The following ANGPT4 variants were observed in gnomAD, a reference collection of about 807,000 sequenced individuals.
The protein encoded by ANGPT4 is angiopoietin 4.
In ANGPT4, 50 loss-of-function variants were observed where a neutral mutation model predicts 53.0. The ratio of observed to expected loss-of-function variants is 0.94; its 90% CI spans 0.75 to 1.20. The LOEUF (loss-of-function observed/expected upper bound fraction) is 1.20. ANGPT4 is among the 50% of genes most tolerant of loss of function. The probability of loss-of-function intolerance (pLI) is 0.00; values close to 1 mark genes in which losing one functional copy is unlikely to be tolerated. For synonymous variants in ANGPT4, 251 were observed against 259.7 expected (o/e 0.97, Z 0.32); for missense variants, 648 against 637.1 (o/e 1.02, Z -0.18).
intron 1 of ANGPT4, among the ~76,000 whole-genome samples, chr20:895,270 C>T (rs4816055): frequency 0.13 from 20,536 of 152,188 alleles, 1,484 homozygotes; most frequent in Middle Eastern, 0.26. Flanking sequence ...CTCAGGCTGC[C>T]GAATTCTCAG....
rs572103965 is a variant in ANGPT4, at chr20:914,344, G to T, written c.309+1562C>A. Among the ~76,000 whole-genome samples, 1 of 152,162 alleles carries T rather than the reference G, an allele frequency of 6.6e-6. No homozygotes were observed. Among genetic ancestry groups the T allele is most frequent in the Non-Finnish European group, 1.5e-5 (1 of 68,026 alleles). On this transcript the variant is annotated intron_variant, in intron 1 of 8. Transcript: ENST00000381922. This position sits in a 1 kb window ranked among gnomAD's most constrained non-coding sequence, Gnocchi z 5.0. Reference sequence around the variant, plus strand: ...ATTTCGTACGGGGAGGACAAGGAGGGCCTCTGGGGAGATGGCGCTGGAGAG... The same window carrying T: ...ATTTCGTACGGGGAGGACAAGGAGGTCCTCTGGGGAGATGGCGCTGGAGAG...
chr20:889,442 C>T (rs1280256865), intron 2 of ANGPT4, among the ~76,000 whole-genome samples: 1 of 152,200 alleles, frequency 6.6e-6, no homozygotes. Context: ...CATGTGACTG[C>T]ACCCAATACT....
intron 1 of ANGPT4, among the ~76,000 whole-genome samples, chr20:900,009 G>A (rs1370854869): frequency 6.6e-6 from 1 of 152,072 alleles, no homozygotes; most frequent in East Asian, 1.9e-4. Flanking sequence ...CCCACACAAG[G>A]CAAATGGTTC....
chr20:896,618 T>C (rs1013295103), intron 1 of ANGPT4, among the ~76,000 whole-genome samples: 1 of 152,218 alleles, frequency 6.6e-6, no homozygotes, highest in Admixed American at 6.5e-5. Flanking sequence ...AAATGCATCT[T>C]GTCAACTGCA....
Position 871,290 on chromosome 20 carries a change from A to C in ANGPT4, c.*1670T>G, listed in dbSNP as rs1476220519. 6.6e-6 allele frequency: 1 copy of C among 152,346 alleles called. No homozygotes were observed. The highest frequency in any genetic ancestry group is 2.4e-5 in the African/African-American group (1 of 41,444). The allele number at this position is 152,346 out of a possible 1,614,324, so 9.4% of individuals were successfully genotyped here. A position where few individuals can be genotyped will look rare whatever the true frequency, so the allele number is the denominator to read the frequency against. The stretch of plus-strand genomic sequence containing the variant: ...TGGGTTTACTCAGGGATCGGCTGAG[A>C]GTGGGACTCAGGGCTGGGGCGAGCC... On this transcript the variant is annotated 3_prime_UTR_variant, in exon 9 of 9. Transcript: ENST00000381922.
intron 8 of ANGPT4, 23 bp downstream of exon 8, chr20:874,261 G>A (rs776772688): frequency 3.1e-6 from 5 of 1,613,212 alleles, no homozygotes; most frequent in Middle Eastern, 3.3e-4. Context: ...GGTGGGCGGA[G>A]CTTCACCCCA....
intron 1 of ANGPT4, among the ~76,000 whole-genome samples, chr20:901,293 A>G (rs1207561064): frequency 6.6e-6 from 1 of 152,192 alleles, no homozygotes; most frequent in Non-Finnish European, 1.5e-5. Flanking sequence ...GAGAACCACA[A>G]AAGAAGTGAA....
rs1981330466 is a variant in ANGPT4, at chr20:879,904, G to A, written c.952-56C>T. The A allele has an allele frequency of 2.9e-5, 38 of 1,327,398 alleles. 1 individual carries two copies. The South Asian group carries it at 3.5e-4, about 12-fold the overall frequency. 82.2% of individuals were successfully genotyped at this position (1,327,398 alleles called of 1,614,324 possible). ...GCCCTTGGAGGTAGCCAGAGGCCAG[G>A]CCTGTGCTAGCCCAAATGTGGCTAA... On this transcript the variant is annotated intron_variant, in intron 5 of 8. Transcript: ENST00000381922.
At chr20:903,980 C>T (rs1169114577) in intron 1 of ANGPT4, among the ~76,000 whole-genome samples, 1 of 152,162 alleles carries the variant, frequency 6.6e-6, no homozygotes, top group East Asian at 1.9e-4. Flanking sequence ...AATAAAGTGC[C>T]AGAGGCTGTA....
chr20:915,601 C>T (rs1982898769), intron 1 of ANGPT4, among the ~76,000 whole-genome samples: 1 of 152,144 alleles, frequency 6.6e-6, no homozygotes, highest in African/African-American at 2.4e-5. Flanking sequence ...CCTACTAGTC[C>T]AGAGGGAGAC....
intron 2 of ANGPT4, among the ~76,000 whole-genome samples, chr20:889,379 A>G (rs1981748476): frequency 6.6e-6 from 1 of 152,258 alleles, no homozygotes; most frequent in African/African-American, 2.4e-5. Flanking sequence ...AGCCGCCTGC[A>G]TACCTAGGCT....
At chr20:913,478 C>A (rs76684085) in intron 1 of ANGPT4, among the ~76,000 whole-genome samples, 532 of 152,334 alleles carry the variant, frequency 3.5e-3, no homozygotes, top group South Asian at 9.3e-3. Context: ...CCCTACGGCA[C>A]TCTACGGTGA....
intron 3 of ANGPT4, among the ~76,000 whole-genome samples, chr20:886,711 T>C (rs1249669514): frequency 6.6e-6 from 1 of 152,206 alleles, no homozygotes; most frequent in Non-Finnish European, 1.5e-5. Context: ...TTGAGTAGCT[T>C]ATGTAAGGTA....
chr20:916,084 C>A lies in ANGPT4; in HGVS notation c.131G>T (p.Ser44Ile), dbSNP rs748015813. ...ETLVVQHGHC[S>I]YTFLLPKSEP... The stretch of plus-strand genomic sequence containing the variant: ...AGACTTGGGCAGCAAGAAGGTGTAG[C>A]TACAGTGGCCGTGCTGGACTACAAG... The change falls in exon 1 of 9, where the codon AGC becomes ATC. Residue 44 changes from serine to isoleucine, a missense_variant. Ser to Ile is a moderately radical substitution (Grantham distance 142). Transcript: ENST00000381922. The A allele has an allele frequency of 5.6e-6, 9 of 1,614,206 alleles. No homozygotes were observed. In the South Asian group the frequency reaches 9.9e-5, roughly 18 times the overall value.
intron 1 of ANGPT4, among the ~76,000 whole-genome samples, chr20:900,881 T>C (rs1182343639): frequency 1.3e-5 from 2 of 151,680 alleles, no homozygotes; most frequent in Admixed American, 1.3e-4. Context: ...ATACCTGTTT[T>C]TCTCCTTCTC....
chr20:896,134 T>C (rs116336078), intron 1 of ANGPT4, among the ~76,000 whole-genome samples: 1 of 152,162 alleles, frequency 6.6e-6, no homozygotes, highest in African/African-American at 2.4e-5. Flanking sequence ...ATAGATCTCC[T>C]CCAGTGAACC....
At chr20:896,250 A>G (rs998481104) in intron 1 of ANGPT4, among the ~76,000 whole-genome samples, 7 of 152,256 alleles carry the variant, frequency 4.6e-5, no homozygotes, top group African/African-American at 1.7e-4. Flanking sequence ...AGAAATGAGC[A>G]AAATTCGTAA....
chr20:908,493 C>T lies in ANGPT4; in HGVS notation c.309+7413G>A, dbSNP rs1982568389. Among the ~76,000 whole-genome samples the T allele has an allele frequency of 6.6e-6, 1 of 152,120 alleles. No homozygotes were observed. Among genetic ancestry groups the T allele is most frequent in the Non-Finnish European group, 1.5e-5 (1 of 68,000 alleles). On this transcript the variant is annotated intron_variant, in intron 1 of 8. Coordinates refer to ENST00000381922, the MANE Select transcript of ANGPT4 (RefSeq NM_015985.4). This position sits in a 1 kb window ranked among gnomAD's most constrained non-coding sequence, Gnocchi z 4.9. ...CCTCCCTCCCTCAAGGTCAGGCACC[C>T]ATTATCCACCCCTAGCATCTCTCGG...
chr20:903,001 T>G (rs2144151), intron 1 of ANGPT4, among the ~76,000 whole-genome samples: 59,678 of 152,064 alleles, frequency 0.39, 15,180 homozygotes, highest in African/African-American at 0.73. Context: ...TTCCTCCTCA[T>G]GTCTACTGAT....
Sources: allele counts gnomAD v4.1 joint callset (sites outside exome capture counted in the v4.1 genomes callset), GRCh38; gene constraint gnomAD v4.1.1; non-coding constraint Gnocchi (gnomAD v3.1); transcripts MANE v1.5; gene names NCBI Gene and HGNC (gene_info 2026-07-23, HGNC 2026-07-21).